ZNF799: variants seen among roughly 807,000 people sequenced by gnomAD.
ZNF799 encodes the protein zinc finger protein 799, also known as zinc finger protein 14.
ZNF799 carries 28 observed loss-of-function variants against 41.0 expected under a neutral mutation model. The observed-to-expected ratio is 0.68, with a 90% CI of 0.51 to 0.94. ZNF799 has a LOEUF of 0.94. Among genes scored for constraint, ZNF799 ranks in the 40% least tolerant of loss-of-function variants. The pLI is 0.00. For missense variants in ZNF799, 716 were observed against 764.3 expected (o/e 0.94, Z 0.74); for synonymous variants, 213 against 252.9 (o/e 0.84, Z 1.50).
At chr19:12,399,254 G>C (rs1339072537) in intron 1 of ZNF799, among the ~76,000 whole-genome samples, 1 of 152,188 alleles carries the variant, frequency 6.6e-6, no homozygotes, top group Non-Finnish European at 1.5e-5. Context: ...ACCCTCCCAG[G>C]AGACACTGCC....
rs1215945360 is a variant in ZNF799 at position 12,390,446 on chromosome 19, C to A, written c.*20G>T. The A allele has an allele frequency of 1.2e-6, 2 of 1,609,758 alleles. No homozygotes were observed. The highest frequency in any genetic ancestry group is 2.7e-5 in the African/African-American group (2 of 74,544). The stretch of plus-strand genomic sequence containing the variant: ...AAATTAATAAATGCTTTCCCACATT[C>A]CATACATTTAGAGAGAATGCTAGTG... On this transcript the variant is annotated 3_prime_UTR_variant, in exon 4 of 4. Transcript: ENST00000430385.
At chr19:12,412,890 T>C in the ZNF799 span, among the ~76,000 whole-genome samples, 6 of 151,318 alleles carry the variant, frequency 4.0e-5, no homozygotes, top group Non-Finnish European at 7.4e-5. Context: ...AAATAGAAAA[T>C]TAGCCAGGCA....
rs1969798931 is a variant in ZNF799, at chr19:12,390,843, A to T, written c.1555T>A (p.Leu519Ile). 6.2e-7 allele frequency: 1 copy of T among 1,613,972 alleles called. No individual in the cohort carries two copies. Among genetic ancestry groups the T allele is most frequent in the Admixed American group, 1.7e-5 (1 of 59,984 alleles). ...CKKAFSHFGN[L>I]KVHERIHSGE... ...GAGTGAATTCTTTCATGTACTTTTA[A>T]GTTACCAAAATGACTGAAGGCTTTC... Residue 519 changes from leucine to isoleucine, a missense_variant, in exon 4 of 4, where the codon TTA becomes ATA. This residue lies in a region of ZNF799 where 698 missense variants were observed against 713.6 expected (regional missense o/e 0.98). Transcript: ENST00000430385.
intron 1 of ZNF799, among the ~76,000 whole-genome samples, chr19:12,396,423 G>A (rs148039677): frequency 3.9e-3 from 589 of 152,288 alleles, no homozygotes; most frequent in African/African-American, 0.013. Flanking sequence ...GCCAAGGTGT[G>A]TGGATCACCT....
upstream of ZNF799, among the ~76,000 whole-genome samples, chr19:12,403,556 T>TC (rs1040009570): frequency 1.4e-5 from 2 of 139,808 alleles, no homozygotes; most frequent in African/African-American, 3.1e-5. Flanking sequence ...TTCTTCTTCT[T>TC]TTTTTTTTTG....
chr19:12,397,594 G>C (rs895921212), intron 1 of ZNF799, among the ~76,000 whole-genome samples: 1 of 140,226 alleles, frequency 7.1e-6, no homozygotes, highest in East Asian at 2.1e-4. Flanking sequence ...AAGAAAGAAA[G>C]AAACAAAGAA....
At chr19:12,396,521 C>T (rs183218853) in intron 1 of ZNF799, among the ~76,000 whole-genome samples, 598 of 152,154 alleles carry the variant, frequency 3.9e-3, no homozygotes, top group African/African-American at 0.013. Flanking sequence ...TGGTGGTGCA[C>T]GCCTGTAATC....
chr19:12,401,194 C>T lies in ZNF799; in HGVS notation c.-124G>A. 1 of 1,573,958 alleles carries T rather than the reference C, an allele frequency of 6.4e-7. No homozygotes were observed. On this transcript the variant is annotated 5_prime_UTR_variant, in exon 1 of 4. Coordinates refer to ENST00000430385, the MANE Select transcript of ZNF799 (RefSeq NM_001080821.3). Reference sequence around the variant, plus strand: ...CTTAGCTACAGAGCCGAGCACCGAGCGCCCAGCGCAGGTGGGTGGAGAAGA... The same window carrying T: ...CTTAGCTACAGAGCCGAGCACCGAGTGCCCAGCGCAGGTGGGTGGAGAAGA...
At chr19:12,399,182 T>C (rs571265385) in intron 1 of ZNF799, among the ~76,000 whole-genome samples, 1 of 152,308 alleles carries the variant, frequency 6.6e-6, no homozygotes, top group East Asian at 1.9e-4. Flanking sequence ...AAAAGTCTAA[T>C]GCAACAATCA....
At chr19:12,397,238 G>A (rs540659670) in intron 1 of ZNF799, among the ~76,000 whole-genome samples, 2 of 152,026 alleles carry the variant, frequency 1.3e-5, no homozygotes, top group Admixed American at 6.6e-5. Flanking sequence ...TACTCCAAAT[G>A]CTAGGGAAAT....
rs1969831431 is a variant in ZNF799 at position 12,392,025 on chromosome 19, C to CA, written c.372dup (p.Gly125TrpfsTer8). 6.2e-7 allele frequency: 1 copy of CA among 1,614,048 alleles called. No individual in the cohort carries two copies. ...TACTCATATGGTTTGTGCCCAGCAC[C>CA]AACTCTGATGTAACAATTAAGGGAT... is the stretch of plus-strand genomic sequence containing the variant. On this transcript the variant is annotated frameshift_variant, in exon 4 of 4. Coordinates refer to ENST00000430385, the MANE Select transcript of ZNF799 (RefSeq NM_001080821.3). LOFTEE classifies it low-confidence loss of function (END_TRUNC).
upstream of ZNF799, among the ~76,000 whole-genome samples, chr19:12,401,541 C>CTTT (rs769048606): frequency 4.2e-3 from 176 of 41,740 alleles, 25 homozygotes; most frequent in African/African-American, 0.018. Context: ...AACAATTATA[C>CTTT]TTTTTTTTTT....
intron 1 of ZNF799, among the ~76,000 whole-genome samples, chr19:12,395,477 C>T (rs1306768766): frequency 3.9e-5 from 6 of 152,100 alleles, no homozygotes; most frequent in African/African-American, 1.2e-4. Context: ...CAATACAACA[C>T]GATCAGGGTC....
upstream of ZNF799, among the ~76,000 whole-genome samples, chr19:12,404,648 A>G (rs1194558506): frequency 6.6e-6 from 1 of 152,090 alleles, no homozygotes; most frequent in Non-Finnish European, 1.5e-5. Flanking sequence ...TACTCACTCA[A>G]TTATCACCTT....
At chr19:12,412,437 G>A in the ZNF799 span, among the ~76,000 whole-genome samples, 289 of 148,938 alleles carry the variant, frequency 1.9e-3, 1 homozygote, top group African/African-American at 7.1e-3. Flanking sequence ...TTTCTATGTC[G>A]CACCTGACCA....
At chr19:12,409,429 T>C in the ZNF799 span, among the ~76,000 whole-genome samples, 1 of 152,288 alleles carries the variant, frequency 6.6e-6, no homozygotes, top group South Asian at 2.1e-4. Flanking sequence ...GCAAGGCAAA[T>C]ACACAAATCC....
At position 12,391,889 on chromosome 19, in the gene ZNF799, T is replaced by G; in HGVS notation, c.509A>C (p.Asn170Thr). Residue 170 changes from asparagine to threonine, a missense_variant, in exon 4 of 4, where the codon AAT (asparagine) becomes ACT (threonine). Physicochemically the swap from Asn to Thr is moderately conservative, Grantham distance 65. Coordinates refer to ENST00000430385, the MANE Select transcript of ZNF799 (RefSeq NM_001080821.3). The part of the protein sequence containing the change: ...ERLHTGKKPY[N>T]CKECGKSFSS... ...GAAGGACTTCCCACATTCTTTACAA[T>G]TATATGGTTTCTTTCCAGTGTGAAG... The G allele has an allele frequency of 6.2e-7, 1 of 1,614,108 alleles. No homozygotes were observed. Among genetic ancestry groups the G allele is most frequent in the Non-Finnish European group, 8.5e-7 (1 of 1,180,004 alleles).
upstream of ZNF799, among the ~76,000 whole-genome samples, chr19:12,403,782 G>A (rs1970013410): frequency 6.6e-6 from 1 of 152,032 alleles, no homozygotes; most frequent in Non-Finnish European, 1.5e-5. Context: ...GAACTCCTAA[G>A]CTCAGGTGAT....
chr19:12,396,762 A>T (rs1969899967), intron 1 of ZNF799, among the ~76,000 whole-genome samples: 1 of 144,618 alleles, frequency 6.9e-6, no homozygotes, highest in Non-Finnish European at 1.5e-5. Context: ...AAAAAAAAAA[A>T]ATCAGTTAAA....
Sources: gnomAD v4.1 joint callset for allele counts (sites outside exome capture counted in the v4.1 genomes callset) on GRCh38, gnomAD v4.1.1 for gene constraint, gnomAD v4.1.1 regional missense constraint, MANE v1.5 for transcripts, NCBI Gene and HGNC (gene_info 2026-07-23, HGNC 2026-07-21) for gene names.